Variants in LRBA observed in about 807,000 individuals in gnomAD.
The protein encoded by LRBA is LPS responsive beige-like anchor protein.
A neutral mutation model predicts 330.0 loss-of-function variants in LRBA; 176 were observed. The ratio of observed to expected loss-of-function variants is 0.53; its 90% CI spans 0.47 to 0.60. The LOEUF is 0.60. Ranked by LOEUF, LRBA falls within the 20% of genes least tolerant of loss-of-function variation. The pLI, the probability that LRBA is intolerant of heterozygous loss-of-function variation, is 0.00. For synonymous variants in LRBA, 1,230 were observed against 1,193.0 expected, an observed-to-expected ratio of 1.03 and a Z score of -0.64; for missense variants, 3,259 against 3,444.8, an observed-to-expected ratio of 0.95 and a Z score of 1.35.
chr4:150,537,938 G>C (rs1360694118), intron 40 of LRBA, among the ~76,000 whole-genome samples: 1 of 152,016 alleles, frequency 6.6e-6, no homozygotes, highest in Non-Finnish European at 1.5e-5. Context: ...CTGGGTGACA[G>C]AGCGAGACTC....
At chr4:150,854,711 A>G (rs1336798301) in intron 22 of LRBA, among the ~76,000 whole-genome samples, 1 of 152,176 alleles carries the variant, frequency 6.6e-6, no homozygotes, top group Non-Finnish European at 1.5e-5. Flanking sequence ...AGAGAGAGCA[A>G]GCCATGTAAA....
At chr4:150,326,563 T>C (rs1254694549) in intron 48 of LRBA, among the ~76,000 whole-genome samples, 1 of 152,220 alleles carries the variant, frequency 6.6e-6, no homozygotes, top group Non-Finnish European at 1.5e-5. Flanking sequence ...TGGCTCTTGG[T>C]GCACACATAG....
intron 48 of LRBA, among the ~76,000 whole-genome samples, chr4:150,334,403 TGAAA>T (rs1734359351): frequency 6.6e-6 from 1 of 152,128 alleles, no homozygotes; most frequent in African/African-American, 2.4e-5. Context: ...AATTTGGACT[TGAAA>T]GACTTAATGT....
chr4:150,839,478 G>A (rs1030114722), intron 28 of LRBA, among the ~76,000 whole-genome samples: 5 of 152,150 alleles, frequency 3.3e-5, no homozygotes, highest in Admixed American at 1.3e-4. Flanking sequence ...CAAAGACTTG[G>A]AACCAATCCA....
chr4:150,689,333 T>C (rs1418800410), intron 36 of LRBA, among the ~76,000 whole-genome samples: 1 of 151,900 alleles, frequency 6.6e-6, no homozygotes, highest in Non-Finnish European at 1.5e-5. Context: ...AGGGGAGGGA[T>C]AGCATTAAGA....
At chr4:150,601,276 A>G (rs533962035) in intron 37 of LRBA, among the ~76,000 whole-genome samples, 101 of 152,338 alleles carry the variant, frequency 6.6e-4, no homozygotes, top group African/African-American at 2.2e-3. Flanking sequence ...AATTAAAATT[A>G]TAAGAGATGT....
At chr4:150,462,460 A>G (rs1754895102) in intron 44 of LRBA, among the ~76,000 whole-genome samples, 1 of 151,818 alleles carries the variant, frequency 6.6e-6, no homozygotes, top group South Asian at 2.1e-4. Flanking sequence ...CATGGAATAA[A>G]AGCTTATACA....
chr4:150,619,807 T>G lies in LRBA; in HGVS notation c.5922-20676A>C, dbSNP rs79147753. The stretch of plus-strand genomic sequence containing the variant: ...AAAGCCCATCAAAATGATAAATATG[T>G]ACCCTACTCTGATCATTCTTTCATA... On this transcript the variant is annotated intron_variant, in intron 37 of 56. Transcript: ENST00000651943. Among the ~76,000 whole-genome samples the G allele has an allele frequency of 5.3e-3, 810 of 152,198 alleles. 7 individuals carry two copies. The highest frequency in any genetic ancestry group is 8.9e-3 in the Admixed American group (136 of 15,276).
intron 37 of LRBA, among the ~76,000 whole-genome samples, chr4:150,676,462 G>C (rs966829315): frequency 2.0e-4 from 30 of 152,262 alleles, no homozygotes; most frequent in African/African-American, 6.7e-4. Context: ...TATACAGCCA[G>C]TACTAAATAA....
intron 34 of LRBA, among the ~76,000 whole-genome samples, chr4:150,770,316 T>A (rs1345350914): frequency 1.3e-5 from 2 of 152,080 alleles, no homozygotes; most frequent in Non-Finnish European, 2.9e-5. Context: ...CATAATAAAT[T>A]TCTTTGTCTG....
chr4:150,281,420 A>C (rs969824247), intron 55 of LRBA, among the ~76,000 whole-genome samples: 1 of 152,202 alleles, frequency 6.6e-6, no homozygotes, highest in Admixed American at 6.5e-5. Flanking sequence ...CAGGAGACAG[A>C]GCAGCAAGGG....
intron 44 of LRBA, among the ~76,000 whole-genome samples, chr4:150,461,274 G>A (rs1456208248): frequency 1.3e-5 from 2 of 151,728 alleles, no homozygotes; most frequent in Non-Finnish European, 3.0e-5. Context: ...GGCACTATTG[G>A]CATATTACAG....
intron 47 of LRBA, among the ~76,000 whole-genome samples, chr4:150,368,595 G>A (rs181458605): frequency 4.6e-5 from 7 of 151,892 alleles, no homozygotes; most frequent in Non-Finnish European, 1.0e-4. Flanking sequence ...AGGTAACAAC[G>A]ATCAGTTGTT....
In LRBA at chr4:150,683,427, A is replaced by G; in HGVS notation, c.5921+124T>C. ...TCCCTTTGGCTTTAAATTCATAGAGATGATGAAAGACAAAATTAAATTACT... is the reference window on the plus strand; with the variant it reads ...TCCCTTTGGCTTTAAATTCATAGAGGTGATGAAAGACAAAATTAAATTACT... On this transcript the variant is annotated intron_variant, in intron 37 of 56. Transcript: ENST00000651943. The G allele has an allele frequency of 3.9e-6, 3 of 761,576 alleles. No individual in the cohort carries two copies. The Middle Eastern group carries it at 7.3e-4, about 185-fold the overall frequency. 47.2% of individuals were successfully genotyped at this position (761,576 alleles called of 1,614,324 possible).
intron 2 of LRBA, among the ~76,000 whole-genome samples, chr4:150,930,676 G>A (rs1734396085): frequency 6.6e-6 from 1 of 152,254 alleles, no homozygotes; most frequent in Middle Eastern, 3.4e-3. Context: ...GCATGAGACT[G>A]AAAAAAATGG....
intron 46 of LRBA, among the ~76,000 whole-genome samples, chr4:150,435,146 A>G (rs1180423058): frequency 1.3e-5 from 2 of 151,972 alleles, no homozygotes; most frequent in Non-Finnish European, 2.9e-5. Flanking sequence ...GGAGTTCCAG[A>G]CCAGTCTGGC....
chr4:150,380,445 T>C (rs1010534778), intron 47 of LRBA, among the ~76,000 whole-genome samples: 2 of 152,030 alleles, frequency 1.3e-5, no homozygotes, highest in African/African-American at 2.4e-5. Context: ...CAGGATCACC[T>C]AGGGAGTTAT....
At chr4:150,728,526 G>A (rs1730006257) in intron 36 of LRBA, among the ~76,000 whole-genome samples, 1 of 152,034 alleles carries the variant, frequency 6.6e-6, no homozygotes, top group African/African-American at 2.4e-5. Context: ...CCTAGGGGTG[G>A]AAGGATGGTT....
chr4:150,400,906 T>A (rs984418135), intron 47 of LRBA, among the ~76,000 whole-genome samples: 3 of 152,204 alleles, frequency 2.0e-5, no homozygotes, highest in African/African-American at 7.2e-5. Context: ...GTGAGTGTTA[T>A]GGGTTGAGCT....
Sources: gnomAD v4.1 joint callset for allele counts (sites outside exome capture counted in the v4.1 genomes callset) on GRCh38, gnomAD v4.1.1 for gene constraint, MANE v1.5 for transcripts, NCBI Gene and HGNC (gene_info 2026-07-23, HGNC 2026-07-21) for gene names.